Variants in WNT10A observed in about 807,000 individuals in gnomAD.
WNT10A encodes the protein Wnt family member 10A.
WNT10A carries 37 observed loss-of-function variants against 36.1 expected under a neutral mutation model. The ratio of observed to expected loss-of-function variants is 1.02; its 90% CI spans 0.79 to 1.35. The LOEUF is 1.35. Among genes scored for constraint, WNT10A ranks in the 40% most tolerant of loss-of-function variants. The probability of loss-of-function intolerance (pLI) is 0.00; values close to 1 mark genes in which losing one functional copy is unlikely to be tolerated. For missense variants in WNT10A, 613 were observed against 601.4 expected (o/e 1.02, Z -0.20); for synonymous variants, 255 against 254.1 (o/e 1.00, Z -0.03).
At position 218,890,182 on chromosome 2, in the gene WNT10A, T is replaced by A. The variant is rs1331876781; in HGVS notation, c.575T>A (p.Val192Asp). 6.2e-7 allele frequency: 1 copy of A among 1,614,008 alleles called. No homozygotes were observed. The highest frequency in any genetic ancestry group is 1.7e-5 in the Admixed American group (1 of 60,008). Residue 192 changes from valine (V) to aspartate (D), a missense_variant, in exon 3 of 4, where the codon GTC becomes GAC. Transcript: ENST00000258411. The part of the protein sequence containing the change: ...LQRGKGLSHG[V>D]PEHPALPTAS... ...CGTGGTAAGGGCCTGAGCCATGGGG[T>A]CCCGGAACACCCAGCCCTGCCCACA...
At chr2:218,875,590 T>C in the WNT10A span, among the ~76,000 whole-genome samples, 1 of 152,202 alleles carries the variant, frequency 6.6e-6, no homozygotes, top group Non-Finnish European at 1.5e-5. Context: ...ACTGTAACTG[T>C]GTATTGGTCA....
In WNT10A at chr2:218,890,101, G is replaced by A; in HGVS notation, c.494G>A (p.Gly165Glu). Reference sequence around the variant, plus strand: ...TGTGGCTGTGATGCGTCCCGGCGAGGGGACGAGGAGGCCTTCCGTAGGAAG... The same window carrying A: ...TGTGGCTGTGATGCGTCCCGGCGAGAGGACGAGGAGGCCTTCCGTAGGAAG... The part of the protein sequence containing the change: ...KACGCDASRR[G>E]DEEAFRRKLH... The change falls in exon 3 of 4, where the codon GGG becomes GAG. Residue 165 changes from glycine (G) to glutamate (E), a missense_variant. Transcript: ENST00000258411. 6.2e-7 allele frequency: 1 copy of A among 1,614,150 alleles called. No homozygotes were observed. Among genetic ancestry groups the A allele is most frequent in the South Asian group, 1.1e-5 (1 of 91,078 alleles).
At chr2:218,880,730 G>A, upstream of WNT10A, 1 of 423,964 alleles carries the variant, frequency 2.4e-6, no homozygotes, top group Non-Finnish European at 4.2e-6. This position sits in a 1 kb window ranked among gnomAD's most constrained non-coding sequence, Gnocchi z 7.7. Flanking sequence ...TCGCGGGGGG[G>A]CCTCGGGAAA....
In WNT10A at chr2:218,893,431, C is replaced by T; in HGVS notation, c.*160C>T. ...CCCTCAGCTCTGAGGTCTGTGATCGCCGGACAGTCCAGGCCTGTCTGAACC... is the reference window on the plus strand; with the variant it reads ...CCCTCAGCTCTGAGGTCTGTGATCGTCGGACAGTCCAGGCCTGTCTGAACC... On this transcript the variant is annotated 3_prime_UTR_variant, in exon 4 of 4. Coordinates refer to ENST00000258411, the MANE Select transcript of WNT10A (RefSeq NM_025216.3). This position sits in a 1 kb window ranked among gnomAD's most constrained non-coding sequence, Gnocchi z 6.3. 9.3e-7 allele frequency: 1 copy of T among 1,077,944 alleles called. No homozygotes were observed. Among genetic ancestry groups the T allele is most frequent in the Non-Finnish European group, 1.3e-6 (1 of 775,032 alleles). 66.8% of individuals were successfully genotyped at this position (1,077,944 alleles called of 1,614,324 possible).
intron 1 of WNT10A, among the ~76,000 whole-genome samples, chr2:218,881,662 G>A (rs1345376282): frequency 1.3e-5 from 2 of 152,174 alleles, no homozygotes; most frequent in Non-Finnish European, 2.9e-5. Flanking sequence ...ATGGGTCAAT[G>A]TATGTTAAGA....
chr2:218,893,258 G>A lies in WNT10A; in HGVS notation c.1241G>A (p.Ser414Asn), dbSNP rs1410563048. The stretch of plus-strand genomic sequence containing the variant: ...GAGTGCCGCATCACCGAGTGGGTCA[G>A]CGTCTGCAAGTGAGCGGCCCGGGGT... ...CEECRITEWV[S>N]VCK Residue 414 changes from serine to asparagine, a missense_variant, in exon 4 of 4, where the codon AGC becomes AAC. Ser to Asn is a conservative substitution (Grantham distance 46). Coordinates refer to ENST00000258411, the MANE Select transcript of WNT10A (RefSeq NM_025216.3). The surrounding 1 kb of genome is among the most constrained non-coding windows in gnomAD (Gnocchi z 6.3). The A allele has an allele frequency of 6.4e-6, 10 of 1,554,314 alleles. No homozygotes were observed. Among genetic ancestry groups the A allele is most frequent in the Non-Finnish European group, 8.6e-6 (10 of 1,156,458 alleles).
chr2:218,888,605 G>A (rs1407299939), intron 2 of WNT10A, among the ~76,000 whole-genome samples: 1 of 152,202 alleles, frequency 6.6e-6, no homozygotes, highest in Non-Finnish European at 1.5e-5. Flanking sequence ...ACCTGGGTGG[G>A]TCACAGGCAA....
Position 218,880,853 on chromosome 2 carries a change from T to G in WNT10A, c.-143T>G. The G allele has an allele frequency of 2.0e-6, 2 of 997,590 alleles. No individual in the cohort carries two copies. Among genetic ancestry groups the G allele is most frequent in the Non-Finnish European group, 2.8e-6 (2 of 726,494 alleles). The allele number at this position is 997,590 out of a possible 1,614,324, so 61.8% of individuals were successfully genotyped here. ...CCATGGAGCGGGGAGGCGGGCGCCG[T>G]CTGCTCCGGGAGCCCTGACCCGAGT... On this transcript the variant is annotated 5_prime_UTR_variant, in exon 1 of 4. Coordinates refer to ENST00000258411, the MANE Select transcript of WNT10A (RefSeq NM_025216.3). This position sits in a 1 kb window ranked among gnomAD's most constrained non-coding sequence, Gnocchi z 7.7.
At chr2:218,885,430 A>T (rs929317969) in intron 2 of WNT10A, among the ~76,000 whole-genome samples, 1 of 152,176 alleles carries the variant, frequency 6.6e-6, no homozygotes, top group South Asian at 2.1e-4. Context: ...CACTGTGGAC[A>T]TGAGGACAGG....
At chr2:218,879,661 A>AG (rs1488996194), upstream of WNT10A, among the ~76,000 whole-genome samples, 3 of 152,206 alleles carry the variant, frequency 2.0e-5, no homozygotes, top group Admixed American at 6.5e-5. Context: ...AGGGAGGGCC[A>AG]GGACAAGACT....
Position 218,893,559 on chromosome 2 carries a change from A to C in WNT10A, c.*288A>C. 2.7e-6 allele frequency: 1 copy of C among 365,398 alleles called. No homozygotes were observed. The highest frequency in any genetic ancestry group is 4.1e-5 in the East Asian group (1 of 24,264). 22.6% of individuals were successfully genotyped at this position (365,398 alleles called of 1,614,324 possible). ...TGGGGGTTGCTCCACACCCTAAAAC[A>C]AGCCTCAGCCAGGCAACCCGTCAGT... On this transcript the variant is annotated 3_prime_UTR_variant, in exon 4 of 4. Coordinates refer to ENST00000258411, the MANE Select transcript of WNT10A (RefSeq NM_025216.3). The surrounding 1 kb of genome is among the most constrained non-coding windows in gnomAD (Gnocchi z 6.3).
At chr2:218,889,854 C>T (rs1273795680) in intron 2 of WNT10A, 130 bp from the exon 3 acceptor site, 2 of 1,470,858 alleles carry the variant, frequency 1.4e-6, no homozygotes, top group Non-Finnish European at 1.9e-6. Context: ...TTCTTTGACT[C>T]TGTTTCCTTG....
At chr2:218,877,620 T>G (rs1194078149), upstream of WNT10A, among the ~76,000 whole-genome samples, 1 of 152,140 alleles carries the variant, frequency 6.6e-6, no homozygotes, top group Non-Finnish European at 1.5e-5. This position sits in a 1 kb window ranked among gnomAD's most constrained non-coding sequence, Gnocchi z 4.1. Context: ...CCCAGATGTG[T>G]GTGTGACCAC....
chr2:218,887,485 C>T (rs1944591997), intron 2 of WNT10A, among the ~76,000 whole-genome samples: 1 of 152,170 alleles, frequency 6.6e-6, no homozygotes, highest in Non-Finnish European at 1.5e-5. Flanking sequence ...AGGGCAGTTT[C>T]TACTCCTCTG....
chr2:218,892,647 C>T (rs1944666553), intron 3 of WNT10A, 127 bp from the exon 4 acceptor site: 1 of 1,442,578 alleles, frequency 6.9e-7, no homozygotes, highest in East Asian at 2.7e-5. Flanking sequence ...GTTGTGGGAC[C>T]CTCGCTCCCG....
In WNT10A at chr2:218,893,216, G is replaced by A. The variant is rs1575235227; in HGVS notation, c.1199G>A (p.Cys400Tyr). 6.4e-7 allele frequency: 1 copy of A among 1,573,546 alleles called. No homozygotes were observed. The change falls in exon 4 of 4, where the codon TGT becomes TAT. Residue 400 changes from cysteine (C) to tyrosine (Y), a missense_variant. Transcript: ENST00000258411. The surrounding 1 kb of genome is among the most constrained non-coding windows in gnomAD (Gnocchi z 6.3). ...ERCHCRFHWCCFVVCEECRIT... is the reference protein window; with the variant it reads ...ERCHCRFHWCYFVVCEECRIT... The stretch of plus-strand genomic sequence containing the variant: ...TGCCACTGCCGCTTCCACTGGTGCT[G>A]TTTCGTGGTCTGCGAAGAGTGCCGC...
intron 2 of WNT10A, chr2:218,883,929 C>G (rs1397694087): frequency 6.6e-6 from 1 of 152,462 alleles, no homozygotes; most frequent in Admixed American, 6.5e-5. Context: ...CGCGGGCCCG[C>G]TCCTACCCTC....
At chr2:218,888,874 T>C (rs1306362542) in intron 2 of WNT10A, among the ~76,000 whole-genome samples, 1 of 152,224 alleles carries the variant, frequency 6.6e-6, no homozygotes, top group Non-Finnish European at 1.5e-5. Context: ...ATTTATTCTC[T>C]TTTTTTCCAA....
At chr2:218,889,372 C>G (rs1575233130) in intron 2 of WNT10A, among the ~76,000 whole-genome samples, 1 of 152,304 alleles carries the variant, frequency 6.6e-6, no homozygotes, top group South Asian at 2.1e-4. Flanking sequence ...ACAAATTGTA[C>G]TGCTGTAAAC....
Sources: allele counts gnomAD v4.1 joint callset (sites outside exome capture counted in the v4.1 genomes callset), GRCh38; gene constraint gnomAD v4.1.1; non-coding constraint Gnocchi (gnomAD v3.1); transcripts MANE v1.5; gene names NCBI Gene and HGNC (gene_info 2026-07-23, HGNC 2026-07-21).